Variants in NLRC5 observed in about 807,000 individuals in gnomAD.
NLRC5 encodes NLR family CARD domain containing 5.
NLRC5 carries 114 observed loss-of-function variants against 206.9 expected under a neutral mutation model. That is an observed-to-expected ratio of 0.55 (90% CI 0.47 to 0.64). The LOEUF (loss-of-function observed/expected upper bound fraction) is 0.64. Among genes scored for constraint, NLRC5 ranks in the 30% least tolerant of loss-of-function variants. NLRC5 has a pLI of 0.00. For synonymous variants in NLRC5, 952 were observed against 962.8 expected, an observed-to-expected ratio of 0.99 and a Z score of 0.21; for missense variants, 2,008 against 2,305.5, an observed-to-expected ratio of 0.87 and a Z score of 2.64.
intron 24 of NLRC5, 95 bp from the exon 25 acceptor site, chr16:57,054,656 C>G (rs774661885): frequency 2.3e-6 from 2 of 867,824 alleles, no homozygotes; most frequent in Non-Finnish European, 4.0e-6. Flanking sequence ...CCTTGCTGAG[C>G]TGCTAGCCCT....
chr16:57,043,792 G>C, intron 20 of NLRC5, 188 bp downstream of exon 20: 1 of 621,714 alleles, frequency 1.6e-6, no homozygotes, highest in Non-Finnish European at 2.9e-6. Context: ...GAATGAATAA[G>C]TATGGCCTCA....
Position 57,054,743 on chromosome 16 carries a change from C to T in NLRC5, c.3507-8C>T, listed in dbSNP as rs200178434. ...CATCTTGCCGGATCTACCCCCTTTC[C>T]TTTTCAGGCTGAGCCAGACGGGACT... On this transcript the variant is annotated splice_region_variant and splice_polypyrimidine_tract_variant and intron_variant, in intron 24 of 48. Transcript: ENST00000688547. The T allele has an allele frequency of 6.8e-5, 109 of 1,613,686 alleles. No individual in the cohort carries two copies. In the East Asian group the frequency reaches 2.3e-3, roughly 34 times the overall value.
intron 28 of NLRC5, chr16:57,058,461 C>T (rs1488274663): frequency 3.7e-5 from 15 of 410,056 alleles, no homozygotes; most frequent in African/African-American, 1.2e-4. Context: ...CCAGCTGATG[C>T]GGGATTGCAG....
At chr16:56,992,017 G>A (rs2056944358) in intron 1 of NLRC5, 1 of 152,240 alleles carries the variant, frequency 6.6e-6, no homozygotes, top group African/African-American at 2.4e-5. Context: ...ATGGACACAT[G>A]AAGACAGAGA....
At chr16:57,052,929 C>G (rs115314890) in intron 24 of NLRC5, 1 of 152,332 alleles carries the variant, frequency 6.6e-6, no homozygotes, top group African/African-American at 2.4e-5. Context: ...ACTCCTCGTC[C>G]GCCTTTGGAG....
chr16:57,027,836 G>A (rs1330901783), intron 6 of NLRC5, among the ~76,000 whole-genome samples: 1 of 152,210 alleles, frequency 6.6e-6, no homozygotes, highest in Non-Finnish European at 1.5e-5. Context: ...TGGCCACACT[G>A]AGCTGCAAGG....
rs530476182 is a variant in NLRC5, at chr16:57,073,618, C to T, written c.4668-982C>T. ...TTTTATTATTTATTTATTTGAGACCCAGTCTCTCTCCGTTGCCCAGGCTGG... is the reference window on the plus strand; with the variant it reads ...TTTTATTATTTATTTATTTGAGACCTAGTCTCTCTCCGTTGCCCAGGCTGG... On this transcript the variant is annotated intron_variant, in intron 38 of 48. Coordinates refer to ENST00000688547, the MANE Select transcript of NLRC5 (RefSeq NM_001384950.1). Among the ~76,000 whole-genome samples the T allele has an allele frequency of 9.9e-5, 15 of 152,254 alleles. No individual in the cohort carries two copies. The East Asian group carries it at 2.3e-3, about 24-fold the overall frequency.
Position 57,059,516 on chromosome 16 carries a change from G to C in NLRC5, c.3970G>C (p.Ala1324Pro). Residue 1324 changes from alanine to proline, a missense_variant, in exon 30 of 49, where the codon GCT (alanine) becomes CCT (proline). Coordinates refer to ENST00000688547, the MANE Select transcript of NLRC5 (RefSeq NM_001384950.1). Reference protein sequence around the residue: ...FRIHFSREDQAGKTLRLSECS... With the variant: ...FRIHFSREDQPGKTLRLSECS... ...GATTCACTTCTCCAGAGAGGACCAG[G>C]CTGGGAAGACACTCAGGTAATCCCT... 6.2e-7 allele frequency: 1 copy of C among 1,611,974 alleles called. No individual in the cohort carries two copies. Among genetic ancestry groups the C allele is most frequent in the Non-Finnish European group, 8.5e-7 (1 of 1,178,960 alleles).
chr16:57,078,466 GTTTTTTTTTTT>G (rs71383218), intron 43 of NLRC5, among the ~76,000 whole-genome samples: 3 of 92,188 alleles, frequency 3.3e-5, no homozygotes, highest in African/African-American at 1.5e-4. Flanking sequence ...CTGGGACCTT[GTTTTTTTTTTT>G]TTTTTTTTTT....
intron 15 of NLRC5, among the ~76,000 whole-genome samples, chr16:57,039,232 G>T (rs2062981793): frequency 6.6e-6 from 1 of 152,184 alleles, no homozygotes; most frequent in African/African-American, 2.4e-5. Context: ...CTAAAAGAGA[G>T]AACACAGAAT....
At chr16:56,990,380 G>A (rs1597024665) in intron 1 of NLRC5, among the ~76,000 whole-genome samples, 1 of 152,206 alleles carries the variant, frequency 6.6e-6, no homozygotes, top group Non-Finnish European at 1.5e-5. Context: ...ATTCCTTAAT[G>A]TCAAATCTCC....
At chr16:57,047,816 C>T (rs1029526693) in intron 23 of NLRC5, 188 bp downstream of exon 23, 66 of 609,314 alleles carry the variant, frequency 1.1e-4, no homozygotes, top group Non-Finnish European at 1.7e-4. Context: ...CCTTAGGCAG[C>T]GCATGTCTCC....
chr16:57,009,234 T>A (rs1340990969), intron 1 of NLRC5, among the ~76,000 whole-genome samples: 1 of 151,952 alleles, frequency 6.6e-6, no homozygotes, highest in African/African-American at 2.4e-5. Context: ...GAGGTTGCAG[T>A]GAGCCGAGAC....
chr16:57,041,549 T>C lies in NLRC5; in HGVS notation c.3004T>C (p.Cys1002Arg). 1 of 1,614,156 alleles carries C rather than the reference T, an allele frequency of 6.2e-7. No homozygotes were observed. The highest frequency in any genetic ancestry group is 8.5e-7 in the Non-Finnish European group (1 of 1,180,002). ...EQLCKALGGS[C>R]HLGHLHLDFS... is the part of the protein sequence containing the mutation. ...GCTCTGCAAGGCTCTGGGAGGAAGC[T>C]GCCACCTCGGTCACCTCCACCTCGA... is the stretch of plus-strand genomic sequence containing the variant. Residue 1002 changes from cysteine to arginine, a missense_variant, in exon 18 of 49, where the codon TGC becomes CGC. Coordinates refer to ENST00000688547, the MANE Select transcript of NLRC5 (RefSeq NM_001384950.1).
intron 20 of NLRC5, among the ~76,000 whole-genome samples, chr16:57,044,742 G>C (rs2063722709): frequency 6.6e-6 from 1 of 151,240 alleles, no homozygotes; most frequent in African/African-American, 2.4e-5. Flanking sequence ...AACATGGTGA[G>C]ACCCCCCCAT....
chr16:56,992,940 T>A (rs1204247515), intron 1 of NLRC5, among the ~76,000 whole-genome samples: 1 of 152,152 alleles, frequency 6.6e-6, no homozygotes, highest in Non-Finnish European at 1.5e-5. Flanking sequence ...TTTAAAAATG[T>A]AAAACATTTG....
Position 57,020,717 on chromosome 16 carries a change from A to AC in NLRC5, c.9dup (p.Val4ArgfsTer48). Reference sequence around the variant, plus strand: ...TCCCTCCAGGGCTGGCTCCTCATGGACCCCGTTGGCCTCCAGCTCGGCAAC... The same window carrying AC: ...TCCCTCCAGGGCTGGCTCCTCATGGACCCCCGTTGGCCTCCAGCTCGGCAAC... On this transcript the variant is annotated frameshift_variant, in exon 3 of 49. Coordinates refer to ENST00000688547, the MANE Select transcript of NLRC5 (RefSeq NM_001384950.1). LOFTEE classifies it high-confidence loss of function. 1 of 1,603,680 alleles carries AC rather than the reference A, an allele frequency of 6.2e-7. No homozygotes were observed. Among genetic ancestry groups the AC allele is most frequent in the Non-Finnish European group, 8.5e-7 (1 of 1,177,016 alleles).
chr16:57,029,653 T>A (rs2143007727), intron 8 of NLRC5, 120 bp from the exon 9 acceptor site: 1 of 777,638 alleles, frequency 1.3e-6, no homozygotes, highest in East Asian at 2.7e-5. Flanking sequence ...GGCCATCAGC[T>A]CTTTCTGGGC....
At chr16:57,061,408 C>A in intron 30 of NLRC5, 40 bp from the exon 31 acceptor site, 1 of 1,588,278 alleles carries the variant, frequency 6.3e-7, no homozygotes, top group Non-Finnish European at 8.6e-7. Flanking sequence ...GCAGTGCCCA[C>A]AGGCCTCACC....
Sources: gnomAD v4.1 joint callset for allele counts (sites outside exome capture counted in the v4.1 genomes callset) on GRCh38, gnomAD v4.1.1 for gene constraint, MANE v1.5 for transcripts, NCBI Gene and HGNC (gene_info 2026-07-23, HGNC 2026-07-21) for gene names.